Variants in P3H2 observed in about 807,000 individuals in gnomAD.
P3H2 encodes prolyl 3-hydroxylase 2, also known as leprecan-like 1.
In P3H2, 80 loss-of-function variants were observed where a neutral mutation model predicts 87.0. That is an observed-to-expected ratio of 0.92 (90% CI 0.77 to 1.11). The LOEUF is 1.11. Among genes scored for constraint, P3H2 ranks in the 50% least tolerant of loss-of-function variants. P3H2 has a pLI of 0.00. For missense variants in P3H2, 1,001 were observed against 923.9 expected, an observed-to-expected ratio of 1.08 and a Z score of -1.08; for synonymous variants, 367 against 359.3, an observed-to-expected ratio of 1.02 and a Z score of -0.24.
intron 1 of P3H2, among the ~76,000 whole-genome samples, chr3:190,014,867 A>T (rs1724701463): frequency 6.6e-6 from 1 of 152,126 alleles, no homozygotes; most frequent in Non-Finnish European, 1.5e-5. Flanking sequence ...GGTAAGAGGG[A>T]ATGTGTAAGA....
Position 190,120,860 on chromosome 3 carries a change from G to A in P3H2, c.-129C>T. The A allele has an allele frequency of 3.6e-6, 5 of 1,388,194 alleles. No homozygotes were observed. The highest frequency in any genetic ancestry group is 3.8e-6 in the Non-Finnish European group (4 of 1,066,138). 86.0% of individuals were successfully genotyped at this position (1,388,194 alleles called of 1,614,324 possible). A position where few individuals can be genotyped will look rare whatever the true frequency, so the allele number is the denominator to read the frequency against. Reference sequence around the variant, plus strand: ...CCGCCGCGATCTGGCCGCTCCGCGAGCCCCAGGTGACCGCCGGCGCTCCGC... The same window carrying A: ...CCGCCGCGATCTGGCCGCTCCGCGAACCCCAGGTGACCGCCGGCGCTCCGC... On this transcript the variant is annotated 5_prime_UTR_variant, in exon 1 of 15. Transcript: ENST00000319332.
At chr3:189,987,758 C>G in intron 4 of P3H2, 89 bp from the exon 5 acceptor site, 1 of 1,417,518 alleles carries the variant, frequency 7.1e-7, no homozygotes, top group East Asian at 2.3e-5. Context: ...CTACAAAGGT[C>G]AGCATTAAAC....
At chr3:190,036,218 T>C (rs1191474809) in intron 1 of P3H2, among the ~76,000 whole-genome samples, 1 of 152,178 alleles carries the variant, frequency 6.6e-6, no homozygotes, top group Non-Finnish European at 1.5e-5. Context: ...TCCCAAACTT[T>C]CTCATTTTTC....
chr3:189,959,418 A>T, intron 14 of P3H2, among the ~76,000 whole-genome samples: 1 of 44,846 alleles, frequency 2.2e-5, no homozygotes, highest in African/African-American at 1.0e-4. Flanking sequence ...CCCCCACCCC[A>T]CAACAGTCCC....
intron 8 of P3H2, among the ~76,000 whole-genome samples, chr3:189,980,187 C>T (rs1723487110): frequency 6.6e-6 from 1 of 152,160 alleles, no homozygotes; most frequent in African/African-American, 2.4e-5. Context: ...AGATGACAGT[C>T]TCTTTGGGGA....
intron 1 of P3H2, among the ~76,000 whole-genome samples, chr3:190,089,445 C>G (rs1267580142): frequency 1.3e-5 from 2 of 152,162 alleles, no homozygotes; most frequent in African/African-American, 4.8e-5. Flanking sequence ...TTGTTTGAAA[C>G]AAGGGCAACA....
intron 3 of P3H2, among the ~76,000 whole-genome samples, chr3:189,993,322 CAAAAAA>C (rs11337333): frequency 8.0e-6 from 1 of 124,826 alleles, no homozygotes. Context: ...AACTCTGTCT[CAAAAAA>C]AAAAAAAAAA....
At chr3:190,101,261 C>T (rs555835382) in intron 1 of P3H2, among the ~76,000 whole-genome samples, 1 of 146,938 alleles carries the variant, frequency 6.8e-6, no homozygotes, top group East Asian at 2.1e-4. Flanking sequence ...ATATCTCTCA[C>T]TTTAAATCAA....
At chr3:190,060,858 C>T (rs903250707) in intron 1 of P3H2, among the ~76,000 whole-genome samples, 1 of 152,088 alleles carries the variant, frequency 6.6e-6, no homozygotes, top group African/African-American at 2.4e-5. Flanking sequence ...AACCATGCTA[C>T]ATGGTTTGTT....
At chr3:190,106,645 A>G (rs1245595948) in intron 1 of P3H2, among the ~76,000 whole-genome samples, 1 of 152,174 alleles carries the variant, frequency 6.6e-6, no homozygotes, top group Non-Finnish European at 1.5e-5. Context: ...AGTTTCATAC[A>G]GTCTCAAACA....
chr3:189,972,962 CT>C lies in P3H2; in HGVS notation c.1610del (p.Lys537ArgfsTer6). The C allele has an allele frequency of 6.2e-7, 1 of 1,613,642 alleles. No individual in the cohort carries two copies. On this transcript the variant is annotated frameshift_variant, in exon 11 of 15. Transcript: ENST00000319332. LOFTEE classifies it high-confidence loss of function. Reference sequence around the variant, plus strand: ...AATAAGATTCTACAATCCTTCGAGCCTTTTCGCTGATGTCATAAAACAGACG... The same window carrying C: ...AATAAGATTCTACAATCCTTCGAGCCTTTCGCTGATGTCATAAAACAGACG... ...SARLFYDISE[K>X]ARRIVESYFM...
At chr3:190,038,917 C>T (rs1424464296) in intron 1 of P3H2, among the ~76,000 whole-genome samples, 4 of 152,268 alleles carry the variant, frequency 2.6e-5, no homozygotes, top group East Asian at 3.9e-4. Flanking sequence ...TGGCCAGGTG[C>T]GGTGGTTCAC....
chr3:190,084,279 A>C (rs1293525234), intron 1 of P3H2, among the ~76,000 whole-genome samples: 1 of 152,242 alleles, frequency 6.6e-6, no homozygotes, highest in East Asian at 1.9e-4. Context: ...AACCTTCAGA[A>C]TAGGAGGATG....
intron 1 of P3H2, among the ~76,000 whole-genome samples, chr3:190,071,885 A>C (rs775791530): frequency 1.4e-4 from 21 of 152,322 alleles, no homozygotes; most frequent in Non-Finnish European, 2.2e-4. Flanking sequence ...AAAATACTTC[A>C]ATAAAATGGA....
intron 12 of P3H2, 56 bp from the exon 13 acceptor site, chr3:189,970,947 C>T (rs934476596): frequency 6.2e-6 from 6 of 973,048 alleles, no homozygotes; most frequent in Non-Finnish European, 1.0e-5. Context: ...AGAGCATGGT[C>T]ATAGAATACT....
intron 1 of P3H2, among the ~76,000 whole-genome samples, chr3:190,070,123 A>G (rs765642225): frequency 5.3e-5 from 8 of 152,342 alleles, no homozygotes; most frequent in Admixed American, 4.6e-4. Flanking sequence ...AGTTCCAAGC[A>G]TGAAGTCCTT....
At chr3:190,078,331 G>C (rs1403415) in intron 1 of P3H2, among the ~76,000 whole-genome samples, 34,637 of 152,064 alleles carry the variant, frequency 0.23, 4,148 homozygotes, top group East Asian at 0.32. Context: ...TCAATAGTCA[G>C]GGCTATGAAA....
At chr3:190,017,332 A>G (rs1336991901) in intron 1 of P3H2, among the ~76,000 whole-genome samples, 1 of 151,428 alleles carries the variant, frequency 6.6e-6, no homozygotes. Context: ...TCTCTCAGGG[A>G]AAAAAAAATA....
At chr3:190,070,547 T>A (rs1726667181) in intron 1 of P3H2, among the ~76,000 whole-genome samples, 1 of 152,184 alleles carries the variant, frequency 6.6e-6, no homozygotes, top group South Asian at 2.1e-4. Flanking sequence ...ATAGTCATAG[T>A]GCTGTAATCA....
Sources: allele counts gnomAD v4.1 joint callset (sites outside exome capture counted in the v4.1 genomes callset), GRCh38; gene constraint gnomAD v4.1.1; transcripts MANE v1.5; gene names NCBI Gene and HGNC (gene_info 2026-07-23, HGNC 2026-07-21).